CTNNA1: variants seen among roughly 807,000 people sequenced by gnomAD.
CTNNA1 encodes catenin alpha 1.
CTNNA1 carries 37 observed loss-of-function variants against 98.4 expected under a neutral mutation model. That is an observed-to-expected ratio of 0.38 (90% CI 0.29 to 0.49). CTNNA1 has a LOEUF of 0.49. CTNNA1 is among the 20% of genes least tolerant of loss of function. CTNNA1 has a pLI of 0.95. For missense variants in CTNNA1, 761 were observed against 1,147.2 expected (o/e 0.66, Z 4.86); for synonymous variants, 404 against 413.2 (o/e 0.98, Z 0.27).
In CTNNA1 at chr5:138,924,980, A is replaced by C. The variant is rs536937766; in HGVS notation, c.1747+270A>C. ...GAGTTAAATCTCCTATTAGTGAGTA[A>C]AGACTAAATTAAGGTAGGTCCCATT... On this transcript the variant is annotated intron_variant, in intron 12 of 17. Coordinates refer to ENST00000302763, the MANE Select transcript of CTNNA1 (RefSeq NM_001903.5). 2.0e-5 allele frequency among the ~76,000 whole-genome samples: 3 copies of C among 152,378 alleles called. No homozygotes were observed. The East Asian group carries it at 5.8e-4, about 29-fold the overall frequency.
intron 3 of CTNNA1, among the ~76,000 whole-genome samples, chr5:138,788,954 G>A (rs757495068): frequency 5.0e-4 from 76 of 152,162 alleles, no homozygotes; most frequent in Non-Finnish European, 5.4e-4. Flanking sequence ...GGTCAGTGAA[G>A]GGGGAGAAGA....
In CTNNA1 at chr5:138,843,019, ACAG is replaced by A. The variant is rs201050518; in HGVS notation, c.1062+15304_1062+15306del. Among the ~76,000 whole-genome samples the A allele has an allele frequency of 2.9e-3, 443 of 152,338 alleles. 3 individuals carry two copies. Among genetic ancestry groups the A allele is most frequent in the African/African-American group, 0.01 (416 of 41,582 alleles). On this transcript the variant is annotated intron_variant, in intron 7 of 17. Transcript: ENST00000302763. ...ACTAATTTGGGGGTTATGTTAATAA[ACAG>A]CAATAATTGTATATTTTGGATTTAA... is the stretch of plus-strand genomic sequence containing the variant.
intron 6 of CTNNA1, among the ~76,000 whole-genome samples, chr5:138,827,121 A>G (rs1760803940): frequency 6.6e-6 from 1 of 152,188 alleles, no homozygotes; most frequent in South Asian, 2.1e-4. Context: ...CAACAGTTCT[A>G]AATATCACAT....
chr5:138,929,080 G>A (rs1409122171), intron 13 of CTNNA1, among the ~76,000 whole-genome samples, 166 bp from the exon 14 acceptor site: 1 of 152,204 alleles, frequency 6.6e-6, no homozygotes. Flanking sequence ...GCAGAGGCTC[G>A]AGACAAATGC....
intron 3 of CTNNA1, among the ~76,000 whole-genome samples, chr5:138,789,565 C>G (rs1277815766): frequency 6.6e-6 from 1 of 152,194 alleles, no homozygotes. Context: ...TCAAGCAATT[C>G]TCCTGCCTCA....
intron 1 of CTNNA1, chr5:138,754,676 T>C (rs1751425714): frequency 6.6e-6 from 1 of 152,218 alleles, no homozygotes; most frequent in Non-Finnish European, 1.5e-5. Context: ...AATTAGGATG[T>C]GTTATTTTGT....
At chr5:138,830,792 A>G (rs536725546) in intron 7 of CTNNA1, among the ~76,000 whole-genome samples, 13 of 151,550 alleles carry the variant, frequency 8.6e-5, no homozygotes, top group African/African-American at 3.2e-4. Flanking sequence ...TCTGGAACAG[A>G]CAAAGTTTCT....
chr5:138,929,145 C>A, intron 13 of CTNNA1, 101 bp from the exon 14 acceptor site: 1 of 776,926 alleles, frequency 1.3e-6, no homozygotes, highest in South Asian at 1.4e-5. Context: ...CATTAAAATC[C>A]AGAATTCTGG....
At chr5:138,889,101 A>T (rs1199520260) in intron 9 of CTNNA1, among the ~76,000 whole-genome samples, 1 of 152,216 alleles carries the variant, frequency 6.6e-6, no homozygotes, top group Non-Finnish European at 1.5e-5. Context: ...TAACTTCCAG[A>T]TACACACAGA....
At chr5:138,915,037 T>C (rs1761436350) in intron 10 of CTNNA1, among the ~76,000 whole-genome samples, 1 of 151,910 alleles carries the variant, frequency 6.6e-6, no homozygotes, top group African/African-American at 2.4e-5. Context: ...GTCCCAGTTA[T>C]TCGGGAGGCT....
intron 5 of CTNNA1, among the ~76,000 whole-genome samples, chr5:138,818,293 TG>T (rs1759663080): frequency 7.4e-6 from 1 of 135,930 alleles, no homozygotes. Context: ...GGAGCGGGGG[TG>T]GGTAGAGATA....
Position 138,873,168 on chromosome 5 carries a change from T to C in CTNNA1, c.1063-13044T>C, listed in dbSNP as rs1336905253. On this transcript the variant is annotated intron_variant, in intron 7 of 17. Coordinates refer to ENST00000302763, the MANE Select transcript of CTNNA1 (RefSeq NM_001903.5). The surrounding 1 kb of genome is among the most constrained non-coding windows in gnomAD (Gnocchi z 6.1). ...AGTCGTGTTTGGGATCGGAGCTGCC[T>C]GTGGTTCTGAACCATTGAGCACTGC... 6.2e-7 allele frequency: 1 copy of C among 1,613,842 alleles called. No individual in the cohort carries two copies. Among genetic ancestry groups the C allele is most frequent in the Non-Finnish European group, 8.5e-7 (1 of 1,179,764 alleles).
chr5:138,811,097 G>A (rs1388936418), intron 4 of CTNNA1, among the ~76,000 whole-genome samples: 3 of 151,580 alleles, frequency 2.0e-5, no homozygotes, highest in African/African-American at 4.8e-5. Flanking sequence ...GTTGCCGGGC[G>A]GAGGGGCTCC....
chr5:138,824,398 A>C, intron 5 of CTNNA1, 132 bp from the exon 6 acceptor site: 1 of 1,015,858 alleles, frequency 9.8e-7, no homozygotes, highest in Non-Finnish European at 1.4e-6. Context: ...TTGACTCTCA[A>C]CTAGATTGTT....
At chr5:138,758,210 A>T (rs1273756849) in intron 1 of CTNNA1, among the ~76,000 whole-genome samples, 4 of 142,142 alleles carry the variant, frequency 2.8e-5, no homozygotes, top group Non-Finnish European at 4.6e-5. Flanking sequence ...ATTTATTTTT[A>T]TTTTTTTTTG....
At chr5:138,923,507 G>A (rs1362734365) in intron 11 of CTNNA1, among the ~76,000 whole-genome samples, 1 of 152,064 alleles carries the variant, frequency 6.6e-6, no homozygotes, top group African/African-American at 2.4e-5. Context: ...GCCTTCCCTG[G>A]AAAGGTGTTT....
intron 4 of CTNNA1, among the ~76,000 whole-genome samples, chr5:138,810,451 C>T (rs995794920): frequency 1.3e-5 from 2 of 152,144 alleles, no homozygotes; most frequent in Non-Finnish European, 2.9e-5. Flanking sequence ...GTTTTGACTC[C>T]TTCCCTTTTT....
Position 138,873,646 on chromosome 5 carries a change from G to C in CTNNA1, c.1063-12566G>C, listed in dbSNP as rs776404173. On this transcript the variant is annotated intron_variant, in intron 7 of 17. Transcript: ENST00000302763. The surrounding 1 kb of genome is among the most constrained non-coding windows in gnomAD (Gnocchi z 6.1). ...CCCACAGATTGCCAGAGAGACCAAC[G>C]GTTGTGAGGGATCTCAGGGAGTTTA... 6.2e-7 allele frequency: 1 copy of C among 1,613,906 alleles called. No individual in the cohort carries two copies. Among genetic ancestry groups the C allele is most frequent in the Non-Finnish European group, 8.5e-7 (1 of 1,179,902 alleles).
chr5:138,907,237 G>A (rs1330692476), intron 10 of CTNNA1, among the ~76,000 whole-genome samples: 1 of 152,132 alleles, frequency 6.6e-6, no homozygotes, highest in Non-Finnish European at 1.5e-5. Flanking sequence ...GCCCATGCTG[G>A]TCTTGAACTC....
Sources: allele counts gnomAD v4.1 joint callset (sites outside exome capture counted in the v4.1 genomes callset), GRCh38; gene constraint gnomAD v4.1.1; non-coding constraint Gnocchi (gnomAD v3.1); transcripts MANE v1.5; gene names NCBI Gene and HGNC (gene_info 2026-07-23, HGNC 2026-07-21).